The following FRMPD4 variants were observed in gnomAD, a reference collection of about 807,000 sequenced individuals.
The protein encoded by FRMPD4 is FERM and PDZ domain containing 4.
Under a neutral mutation model 94.1 loss-of-function variants are expected in FRMPD4, and 22 were observed. The ratio of observed to expected loss-of-function variants is 0.23; its 90% confidence interval spans 0.17 to 0.33. FRMPD4 has a LOEUF of 0.33. FRMPD4 is among the 10% of genes least tolerant of loss of function. FRMPD4 has a pLI of 1.00. For synonymous variants in FRMPD4, 631 were observed against 548.6 expected (o/e 1.15, Z -2.10); for missense variants, 1,111 against 1,339.9 (o/e 0.83, Z 2.67).
At chrX:12,513,881 C>G (rs1214718492) in intron 2 of FRMPD4, among the ~76,000 whole-genome samples, 1 of 111,838 alleles carries the variant, frequency 8.9e-6, no homozygotes, top group African/African-American at 3.3e-5. Flanking sequence ...TGTGTGTCCT[C>G]TCTGATTTCT....
rs931195674 is a variant in FRMPD4, at chrX:12,160,712, A to C, written c.41+21700A>C. ...TTTCAGAGGAAGGCAGAAGGGTATCACATTCTTTAGAATATCCCTGTGTCA... is the reference window on the plus strand; with the variant it reads ...TTTCAGAGGAAGGCAGAAGGGTATCCCATTCTTTAGAATATCCCTGTGTCA... On this transcript the variant is annotated intron_variant, in intron 1 of 16. Coordinates refer to ENST00000675598, the MANE Select transcript of FRMPD4 (RefSeq NM_001368397.1). Among the ~76,000 whole-genome samples, 5 of 111,747 alleles carry C rather than the reference A, an allele frequency of 4.5e-5. No individual in the cohort carries two copies. In the South Asian group the frequency reaches 1.5e-3, roughly 34 times the overall value.
At chrX:12,692,661 T>A (rs1407459868) in intron 8 of FRMPD4, among the ~76,000 whole-genome samples, 1 of 112,242 alleles carries the variant, frequency 8.9e-6, no homozygotes, top group African/African-American at 3.2e-5. Context: ...GGCAACCTTT[T>A]TGCATTACGT....
chrX:12,630,439 A>C (rs1451354458), intron 4 of FRMPD4, among the ~76,000 whole-genome samples: 1 of 112,171 alleles, frequency 8.9e-6, no homozygotes, highest in African/African-American at 3.2e-5. Context: ...TTGCCCTTTG[A>C]CCTCAACCAA....
chrX:12,718,275 T>C lies in FRMPD4; in HGVS notation c.3449T>C (p.Phe1150Ser). The C allele has an allele frequency of 8.3e-7, 1 of 1,211,375 alleles. No homozygotes were observed. The highest frequency in any genetic ancestry group is 1.1e-6 in the Non-Finnish European group (1 of 895,187). The change falls in exon 16 of 17, where the codon TTC becomes TCC. Residue 1150 changes from phenylalanine to serine, a missense_variant. By Grantham distance (155) the Phe-to-Ser change is radical. This residue lies in a region of FRMPD4 where 551 missense variants were observed against 591.6 expected (regional missense o/e 0.93). Transcript: ENST00000675598. Reference protein sequence around the residue: ...DGSGLGQGDRFLTDVTCASSA... With the variant: ...DGSGLGQGDRSLTDVTCASSA... ...TCAGGACTTGGTCAAGGGGACCGCT[T>C]CTTAACTGACGTGACCTGTGCATCT...
intron 1 of FRMPD4, among the ~76,000 whole-genome samples, chrX:12,187,987 T>C (rs956449096): frequency 1.3e-4 from 15 of 111,540 alleles, no homozygotes; most frequent in African/African-American, 4.6e-4. Flanking sequence ...TTCTGGCATA[T>C]CAAGGAGTGC....
chrX:12,594,603 T>A (rs1266042172), intron 2 of FRMPD4, among the ~76,000 whole-genome samples: 1 of 109,951 alleles, frequency 9.1e-6, no homozygotes, highest in Non-Finnish European at 1.9e-5. Flanking sequence ...GCCTGGCTAA[T>A]TTTTTGTATT....
chrX:12,551,922 C>A (rs1323075125), intron 2 of FRMPD4, among the ~76,000 whole-genome samples: 1 of 111,494 alleles, frequency 9.0e-6, no homozygotes, highest in Non-Finnish European at 1.9e-5. Flanking sequence ...AACTGAAAAA[C>A]TCCCCCTCAT....
At chrX:12,181,584 A>G (rs1420207797) in intron 1 of FRMPD4, among the ~76,000 whole-genome samples, 1 of 112,260 alleles carries the variant, frequency 8.9e-6, no homozygotes, top group Non-Finnish European at 1.9e-5. Flanking sequence ...AGGTTCCAGG[A>G]TAGGTCTAAT....
intron 1 of FRMPD4, among the ~76,000 whole-genome samples, chrX:11,858,941 A>G (rs909014092): frequency 1.7e-4 from 19 of 111,677 alleles, no homozygotes; most frequent in African/African-American, 5.2e-4. Flanking sequence ...TAATAAGAAG[A>G]TGTGTTTATA....
At chrX:12,492,531 A>C (rs934619489) in intron 1 of FRMPD4, among the ~76,000 whole-genome samples, 2 of 112,305 alleles carry the variant, frequency 1.8e-5, no homozygotes, top group Non-Finnish European at 3.8e-5. Context: ...TTTCTTCTTG[A>C]TTAAAATCAT....
At chrX:12,222,149 A>T (rs1390231067) in intron 1 of FRMPD4, among the ~76,000 whole-genome samples, 2 of 111,813 alleles carry the variant, frequency 1.8e-5, no homozygotes, top group Admixed American at 9.5e-5. Context: ...TCTTGGCAAC[A>T]TAACAAGACT....
chrX:11,893,728 A>G (rs921419425), intron 3 of FRMPD4, among the ~76,000 whole-genome samples: 1 of 111,462 alleles, frequency 9.0e-6, no homozygotes, highest in Non-Finnish European at 1.9e-5. Context: ...TAACTCTGTG[A>G]TGGCCTTGGA....
intron 3 of FRMPD4, among the ~76,000 whole-genome samples, chrX:12,041,543 A>G (rs1220887477): frequency 1.8e-5 from 2 of 110,295 alleles, no homozygotes; most frequent in African/African-American, 3.3e-5. Flanking sequence ...GTGCCCGTGT[A>G]TATCATGAGT....
At chrX:12,200,770 C>T (rs762124945) in intron 1 of FRMPD4, among the ~76,000 whole-genome samples, 9 of 112,285 alleles carry the variant, frequency 8.0e-5, no homozygotes, top group African/African-American at 2.3e-4. Context: ...AAAATGAACA[C>T]GTTAAAGATT....
intron 1 of FRMPD4, among the ~76,000 whole-genome samples, chrX:11,827,157 A>G (rs1447753539): frequency 9.6e-6 from 1 of 104,665 alleles, no homozygotes; most frequent in African/African-American, 3.4e-5. Flanking sequence ...AATTATATAT[A>G]ATATACATTT....
At chrX:11,846,115 G>C (rs1435815441) in intron 1 of FRMPD4, among the ~76,000 whole-genome samples, 1 of 109,381 alleles carries the variant, frequency 9.1e-6, no homozygotes, top group Non-Finnish European at 1.9e-5. Flanking sequence ...TGACATGATT[G>C]TATATCTAGA....
chrX:12,102,498 A>C (rs938944271), intron 3 of FRMPD4, among the ~76,000 whole-genome samples: 1 of 111,835 alleles, frequency 8.9e-6, no homozygotes, highest in African/African-American at 3.3e-5. Context: ...TTTTAAGGTG[A>C]TAAACTGTAC....
chrX:12,502,784 G>A (rs919493324), intron 2 of FRMPD4, among the ~76,000 whole-genome samples: 1 of 111,844 alleles, frequency 8.9e-6, no homozygotes, highest in African/African-American at 3.3e-5. Flanking sequence ...AGATGATAGA[G>A]CTATAGATAT....
intron 1 of FRMPD4, among the ~76,000 whole-genome samples, chrX:12,279,538 A>G (rs1359625918): frequency 8.9e-6 from 1 of 111,972 alleles, no homozygotes; most frequent in Non-Finnish European, 1.9e-5. Context: ...TTTCTTAAAG[A>G]CCAGCTAGTA....
Sources: allele counts gnomAD v4.1 joint callset (sites outside exome capture counted in the v4.1 genomes callset), GRCh38; gene constraint gnomAD v4.1.1; regional missense constraint gnomAD v4.1.1; transcripts MANE v1.5; gene names NCBI Gene and HGNC (gene_info 2026-07-23, HGNC 2026-07-21).